The following ESYT2 variants were observed in gnomAD, a reference collection of about 807,000 sequenced individuals.
The protein encoded by ESYT2 is extended synaptotagmin-2.
ESYT2 carries 54 observed loss-of-function variants against 107.2 expected under a neutral mutation model. The observed-to-expected ratio is 0.50, with a 90% CI of 0.40 to 0.63. The LOEUF is 0.63. Ranked by LOEUF, ESYT2 falls within the 30% of genes least tolerant of loss-of-function variation. ESYT2 has a pLI of 0.00. For synonymous variants in ESYT2, 491 were observed against 434.1 expected (o/e 1.13, Z -1.63); for missense variants, 1,020 against 1,094.5 (o/e 0.93, Z 0.96).
At chr7:158,828,246 T>A (rs1402461370) in intron 1 of ESYT2, among the ~76,000 whole-genome samples, 1 of 152,184 alleles carries the variant, frequency 6.6e-6, no homozygotes, top group Non-Finnish European at 1.5e-5. Context: ...GAAGAAAAAG[T>A]TAACTTCTCC....
At chr7:158,751,713 CA>C (rs553137605) in intron 14 of ESYT2, among the ~76,000 whole-genome samples, 155 of 152,302 alleles carry the variant, frequency 1.0e-3, no homozygotes, top group African/African-American at 3.5e-3. Flanking sequence ...TTCCATTCTA[CA>C]AATAACACAA....
intron 20 of ESYT2, 139 bp downstream of exon 20, chr7:158,736,909 G>C (rs959378834): frequency 9.5e-7 from 1 of 1,053,138 alleles, no homozygotes; most frequent in African/African-American, 1.6e-5. Context: ...TGAGAAGTAT[G>C]TTTGCTAAAA....
chr7:158,756,921 A>T (rs842430), intron 13 of ESYT2, among the ~76,000 whole-genome samples: 106 of 127,548 alleles, frequency 8.3e-4, no homozygotes, highest in South Asian at 2.3e-3. Context: ...AATTAAAAAA[A>T]AAAAAAAAAA....
intron 14 of ESYT2, among the ~76,000 whole-genome samples, chr7:158,751,198 C>T (rs536993796): frequency 3.3e-5 from 5 of 152,116 alleles, no homozygotes; most frequent in Non-Finnish European, 7.4e-5. Flanking sequence ...CAATTTATTT[C>T]GCTTCCATTT....
In ESYT2 at chr7:158,741,821, T is replaced by C. The variant is rs1343768512; in HGVS notation, c.1870A>G (p.Lys624Glu). Residue 624 changes from lysine to glutamate, a missense_variant, in exon 18 of 23, where the codon AAA becomes GAA. Lys to Glu is a moderately conservative substitution (Grantham distance 56). Transcript: ENST00000275418. ...TTGATGGATGTTTTCCTCCCCTCTT[T>C]GGACACAGAGGGACGTTTGACTTGA... ...SAQVKRPSVSKEGRKTSIKSH... is the reference protein window; with the variant it reads ...SAQVKRPSVSEEGRKTSIKSH... 5.0e-6 allele frequency: 8 copies of C among 1,614,060 alleles called. No individual in the cohort carries two copies. The highest frequency in any genetic ancestry group is 6.8e-6 in the Non-Finnish European group (8 of 1,179,996).
chr7:158,764,300 G>A (rs1200806582), intron 9 of ESYT2, among the ~76,000 whole-genome samples: 1 of 151,982 alleles, frequency 6.6e-6, no homozygotes, highest in Non-Finnish European at 1.5e-5. Context: ...ATGTGAAGAT[G>A]TCCTAATTTA....
Position 158,760,141 on chromosome 7 carries a change from T to C in ESYT2, c.1240A>G (p.Thr414Ala), listed in dbSNP as rs774190769. 1.9e-6 allele frequency: 3 copies of C among 1,614,032 alleles called. No homozygotes were observed. Among genetic ancestry groups the C allele is most frequent in the Non-Finnish European group, 1.7e-6 (2 of 1,179,908 alleles). ...TTCCCCTTGGGAACCTCGTCCAGAG[T>C]GAACCACTGAAGAGAAAAAATGTTT... ...EKERLLDEWF[T>A]LDEVPKGKLH... Residue 414 changes from threonine (T) to alanine (A), a missense_variant, in exon 12 of 23, where the codon ACT becomes GCT. Coordinates refer to ENST00000275418, the MANE Select transcript of ESYT2 (RefSeq NM_001367773.1).
chr7:158,736,425 T>C (rs1438703453), intron 20 of ESYT2, among the ~76,000 whole-genome samples: 4 of 152,198 alleles, frequency 2.6e-5, no homozygotes, highest in African/African-American at 7.2e-5. Flanking sequence ...TCACCTAAGA[T>C]ACCAAAATGG....
At chr7:158,785,855 A>G (rs1839093406) in intron 6 of ESYT2, among the ~76,000 whole-genome samples, 1 of 152,224 alleles carries the variant, frequency 6.6e-6, no homozygotes, top group Non-Finnish European at 1.5e-5. Context: ...TAAACAAGCC[A>G]ACAAGTAGAA....
intron 5 of ESYT2, 32 bp downstream of exon 5, chr7:158,788,313 G>A: frequency 1.9e-6 from 3 of 1,569,610 alleles, no homozygotes; most frequent in Non-Finnish European, 2.6e-6. Context: ...TTAGAAAACT[G>A]TCAAATTAAA....
chr7:158,782,294 A>AAAG (rs10626445), intron 6 of ESYT2, among the ~76,000 whole-genome samples: 119,729 of 147,738 alleles, frequency 0.81, 49,315 homozygotes, highest in Non-Finnish European at 0.89. Context: ...GAAATGTGTG[A>AAAG]AACAAGTGAA....
intron 14 of ESYT2, 145 bp from the exon 15 acceptor site, chr7:158,749,868 G>C: frequency 1.4e-6 from 1 of 725,930 alleles, no homozygotes; most frequent in Non-Finnish European, 2.2e-6. Context: ...AATTTAATGG[G>C]AAAACATAAG....
rs936720035 is a variant in ESYT2 at position 158,738,879 on chromosome 7, C to T, written c.2267+144G>A. 4.3e-5 allele frequency: 35 copies of T among 810,466 alleles called. No individual in the cohort carries two copies. In the African/African-American group the frequency reaches 4.6e-4, roughly 11 times the overall value. 50.2% of individuals were successfully genotyped at this position (810,466 alleles called of 1,614,324 possible). A position where few individuals can be genotyped will look rare whatever the true frequency, so the allele number is the denominator to read the frequency against. On this transcript the variant is annotated intron_variant, in intron 19 of 22. Coordinates refer to ENST00000275418, the MANE Select transcript of ESYT2 (RefSeq NM_001367773.1). ...CAGTGGTGACACCCTTTACGAGCAC[C>T]GTCTCTAGAGGTTTAATTGCTTTGT... is the stretch of plus-strand genomic sequence containing the variant.
rs1563024273 is a variant in ESYT2 at position 158,793,718 on chromosome 7, C to G, written c.516G>C (p.Arg172Ser). 1.9e-6 allele frequency: 3 copies of G among 1,612,694 alleles called. No individual in the cohort carries two copies. The highest frequency in any genetic ancestry group is 2.5e-6 in the Non-Finnish European group (3 of 1,179,602). ...CAGTGTATACCTTAACACCATTGAT[C>G]CTGAGGGGCTGAAATAAGAAGTAGC... ...TKVDVGQQPL[R>S]INGVKVYTEN... Residue 172 changes from arginine (R) to serine (S), a missense_variant, in exon 4 of 23, where the codon AGG (arginine) becomes AGC (serine). By Grantham distance (110) the Arg-to-Ser change is moderately radical. Transcript: ENST00000275418.
At chr7:158,750,664 A>G (rs1488448102) in intron 14 of ESYT2, among the ~76,000 whole-genome samples, 7 of 152,222 alleles carry the variant, frequency 4.6e-5, no homozygotes, top group Admixed American at 2.6e-4. Flanking sequence ...ACTGTTGAAA[A>G]AAGTTTCCAA....
At chr7:158,820,013 T>A (rs1840246575) in intron 1 of ESYT2, among the ~76,000 whole-genome samples, 1 of 152,214 alleles carries the variant, frequency 6.6e-6, no homozygotes, top group Non-Finnish European at 1.5e-5. Context: ...GCTGCTGCAA[T>A]ACACAAGTGC....
At chr7:158,745,430 CTGATA>C (rs1371347529) in intron 16 of ESYT2, among the ~76,000 whole-genome samples, 1 of 138,038 alleles carries the variant, frequency 7.2e-6, no homozygotes, top group Non-Finnish European at 1.5e-5. Flanking sequence ...CTCTTCATAC[CTGATA>C]TAAGTAGTCT....
chr7:158,793,624 C>A, intron 4 of ESYT2, 26 bp downstream of exon 4: 1 of 1,547,030 alleles, frequency 6.5e-7, no homozygotes, highest in Non-Finnish European at 8.9e-7. Context: ...TTAACCATAA[C>A]ACAAATATAA....
In ESYT2 at chr7:158,764,945, T is replaced by C. The variant is rs116552157; in HGVS notation, c.925-92A>G. On this transcript the variant is annotated intron_variant, in intron 8 of 22. Coordinates refer to ENST00000275418, the MANE Select transcript of ESYT2 (RefSeq NM_001367773.1). ...TACGCACCTAACCCCGTCTCGAGAA[T>C]TGGGAGTGCCGAGGGAATAAAGACC... is the stretch of plus-strand genomic sequence containing the variant. The C allele has an allele frequency of 3.1e-4, 397 of 1,295,948 alleles. No individual in the cohort carries two copies. The African/African-American group carries it at 4.6e-3, about 15-fold the overall frequency. 80.3% of individuals were successfully genotyped at this position (1,295,948 alleles called of 1,614,324 possible). A position where few individuals can be genotyped will look rare whatever the true frequency, so the allele number is the denominator to read the frequency against.
Sources: gnomAD v4.1 joint callset for allele counts (sites outside exome capture counted in the v4.1 genomes callset) on GRCh38, gnomAD v4.1.1 for gene constraint, MANE v1.5 for transcripts, NCBI Gene and HGNC (gene_info 2026-07-23, HGNC 2026-07-21) for gene names.